Variants in PTCHD4 observed in about 807,000 individuals in gnomAD.
PTCHD4 encodes patched domain containing 4.
A neutral mutation model predicts 58.1 loss-of-function variants in PTCHD4; 33 were observed. That is an observed-to-expected ratio of 0.57 (90% CI 0.43 to 0.76). The LOEUF is 0.76. PTCHD4 is among the 30% of genes least tolerant of loss of function. PTCHD4 has a pLI of 0.00. For missense variants in PTCHD4, 1,058 were observed against 1,027.1 expected (o/e 1.03, Z -0.41); for synonymous variants, 478 against 409.6 (o/e 1.17, Z -2.02).
chr6:48,011,709 T>A (rs1226086276), intron 3 of PTCHD4, among the ~76,000 whole-genome samples: 3 of 152,234 alleles, frequency 2.0e-5, no homozygotes, highest in Admixed American at 6.5e-5. Context: ...TTTTTATGTC[T>A]TACATTTAAG....
intron 1 of PTCHD4, among the ~76,000 whole-genome samples, chr6:48,089,235 T>C (rs1047773588): frequency 1.4e-4 from 22 of 152,238 alleles, no homozygotes; most frequent in African/African-American, 5.3e-4. Context: ...GTCTGTATTC[T>C]AAAGCAGACA....
At chr6:47,952,916 G>C (rs140630335) in intron 4 of PTCHD4, among the ~76,000 whole-genome samples, 28 of 150,936 alleles carry the variant, frequency 1.9e-4, no homozygotes, top group African/African-American at 6.9e-4. Context: ...CATACACATA[G>C]AGTAGAAAAT....
chr6:47,886,136 T>C (rs1302167064), intron 4 of PTCHD4, among the ~76,000 whole-genome samples: 1 of 150,910 alleles, frequency 6.6e-6, no homozygotes, highest in Non-Finnish European at 1.5e-5. Context: ...TTTTTTTTTT[T>C]CCCAGAGCAA....
chr6:48,002,012 T>C (rs1164355104), intron 4 of PTCHD4, among the ~76,000 whole-genome samples: 3 of 152,136 alleles, frequency 2.0e-5, no homozygotes, highest in African/African-American at 4.8e-5. Flanking sequence ...TGAAAAAATG[T>C]TCATCATCAC....
chr6:48,074,651 G>A (rs989270501), intron 1 of PTCHD4, among the ~76,000 whole-genome samples: 2 of 152,190 alleles, frequency 1.3e-5, no homozygotes, highest in African/African-American at 4.8e-5. Context: ...TTGTCACGGG[G>A]GAGTTTATGC....
Position 47,868,587 on chromosome 6 carries a change from T to A in PTCHD4, c.*9716A>T, listed in dbSNP as rs1033343851. ...ATTGTGTGCTTCATAGTTTGGCATG[T>A]CAGTTGCCATTTTTAAAATAAAATC... is the stretch of plus-strand genomic sequence containing the variant. On this transcript the variant is annotated 3_prime_UTR_variant, in exon 5 of 5. Transcript: ENST00000339488. 7.2e-5 allele frequency among the ~76,000 whole-genome samples: 11 copies of A among 151,956 alleles called. No homozygotes were observed. The highest frequency in any genetic ancestry group is 5.3e-4 in the Admixed American group (8 of 15,230).
At chr6:48,056,538 A>C (rs1274600729) in intron 3 of PTCHD4, among the ~76,000 whole-genome samples, 2 of 152,218 alleles carry the variant, frequency 1.3e-5, no homozygotes, top group Non-Finnish European at 2.9e-5. Flanking sequence ...GGATTCAGTG[A>C]AATCTTAATT....
intron 4 of PTCHD4, among the ~76,000 whole-genome samples, chr6:47,880,578 G>T (rs542063202): frequency 6.6e-6 from 1 of 151,706 alleles, no homozygotes; most frequent in African/African-American, 2.4e-5. Context: ...CAAGACCTTC[G>T]GGGTGAAAAA....
At position 48,069,751 on chromosome 6, in the gene PTCHD4, G is replaced by A. The variant is rs1054766745; in HGVS notation, c.-794C>T. On this transcript the variant is annotated 5_prime_UTR_variant, in exon 2 of 5. Transcript: ENST00000339488. ...TCATAACATGTTACATTCACTTTCT[G>A]TATTCTTGAGATTAAAGGACAGAAA... 2.6e-5 allele frequency among the ~76,000 whole-genome samples: 4 copies of A among 152,232 alleles called. No homozygotes were observed. In the East Asian group the frequency reaches 5.8e-4, roughly 22 times the overall value.
chr6:47,924,286 C>T lies in PTCHD4; in HGVS notation c.899-44350G>A, dbSNP rs139248191. ...ATGACTACATGGAAAAGCCCAGAGT[C>T]GAGATTCACTTTAGAGTGAACATGA... On this transcript the variant is annotated intron_variant, in intron 4 of 4. Transcript: ENST00000339488. 8.9e-3 allele frequency among the ~76,000 whole-genome samples: 1,350 copies of T among 151,814 alleles called. 13 individuals are homozygous for T. Among genetic ancestry groups the T allele is most frequent in the Middle Eastern group, 0.014 (4 of 294 alleles).
chr6:47,987,388 C>A, intron 4 of PTCHD4, among the ~76,000 whole-genome samples: 1 of 149,928 alleles, frequency 6.7e-6, no homozygotes. Flanking sequence ...GCACAAGTAC[C>A]CTAAACTTAA....
Position 47,918,091 on chromosome 6 carries a change from C to T in PTCHD4, c.899-38155G>A, listed in dbSNP as rs577762212. 8.5e-5 allele frequency among the ~76,000 whole-genome samples: 13 copies of T among 152,134 alleles called. No individual in the cohort carries two copies. The East Asian group carries it at 1.9e-3, about 23-fold the overall frequency. Reference sequence around the variant, plus strand: ...AGACTCAACACAGATGTTATCTTTTCCACACAAAATCCTAGGATTTTTTTT... The same window carrying T: ...AGACTCAACACAGATGTTATCTTTTTCACACAAAATCCTAGGATTTTTTTT... On this transcript the variant is annotated intron_variant, in intron 4 of 4. Transcript: ENST00000339488.
Position 47,859,304 on chromosome 6 carries a change from G to A in PTCHD4, c.*18999C>T, listed in dbSNP as rs1158510512. 6.6e-6 allele frequency among the ~76,000 whole-genome samples: 1 copy of A among 151,980 alleles called. No individual in the cohort carries two copies. The highest frequency in any genetic ancestry group is 1.5e-5 in the Non-Finnish European group (1 of 67,982). The stretch of plus-strand genomic sequence containing the variant: ...AAGCTAGGATACGAGCACAGTCCCT[G>A]CTCTGCCAAAGGAAACCATGTCTTT... On this transcript the variant is annotated 3_prime_UTR_variant, in exon 5 of 5. Coordinates refer to ENST00000339488, the MANE Select transcript of PTCHD4 (RefSeq NM_001384253.1).
chr6:47,937,508 G>A (rs867258782), intron 4 of PTCHD4, among the ~76,000 whole-genome samples: 6 of 152,186 alleles, frequency 3.9e-5, no homozygotes, highest in Non-Finnish European at 5.9e-5. Context: ...GGTAAAGGAA[G>A]TTTGTGAGGA....
intron 4 of PTCHD4, among the ~76,000 whole-genome samples, chr6:47,887,412 AT>A (rs1318217131): frequency 5.3e-5 from 8 of 152,076 alleles, no homozygotes; most frequent in Admixed American, 3.3e-4. Context: ...AATAGATATT[AT>A]TTGCCTCATT....
intron 4 of PTCHD4, among the ~76,000 whole-genome samples, chr6:47,938,357 T>C (rs1386918490): frequency 6.6e-6 from 1 of 152,182 alleles, no homozygotes; most frequent in Non-Finnish European, 1.5e-5. Context: ...ATGATTCCAA[T>C]GTTGTTGGTC....
chr6:47,889,432 G>GT (rs1210418971), intron 4 of PTCHD4, among the ~76,000 whole-genome samples: 3 of 150,632 alleles, frequency 2.0e-5, no homozygotes, highest in Non-Finnish European at 3.0e-5. Context: ...TTTTTCATGT[G>GT]TTTTTTGGCT....
rs1195617652 is a variant in PTCHD4 at position 48,069,538 on chromosome 6, A to C, written c.-581T>G. Among the ~76,000 whole-genome samples, 1 of 152,126 alleles carries C rather than the reference A, an allele frequency of 6.6e-6. No homozygotes were observed. Among genetic ancestry groups the C allele is most frequent in the Non-Finnish European group, 1.5e-5 (1 of 68,014 alleles). On this transcript the variant is annotated 5_prime_UTR_variant, in exon 2 of 5. Coordinates refer to ENST00000339488, the MANE Select transcript of PTCHD4 (RefSeq NM_001384253.1). ...GCAACACCTTCCTCGCTGTGATTCC[A>C]CAGACCAGTCCGCTGCAGCTGAGGG... is the stretch of plus-strand genomic sequence containing the variant.
In PTCHD4 at chr6:47,921,945, T is replaced by TA. The variant is rs544513150; in HGVS notation, c.899-42010dup. ...GGGCAGCATAGCAAGACACCTTGTC[T>TA]AAAAAAAAAAAAAAAGAAAAGAAAA... On this transcript the variant is annotated intron_variant, in intron 4 of 4. Transcript: ENST00000339488. Among the ~76,000 whole-genome samples the TA allele has an allele frequency of 8.4e-3, 978 of 116,984 alleles. 15 individuals are homozygous for TA. Among genetic ancestry groups the TA allele is most frequent in the African/African-American group, 0.02 (603 of 30,020 alleles). 76.7% of individuals were successfully genotyped at this position (116,984 alleles called of 152,430 possible). A position where few individuals can be genotyped will look rare whatever the true frequency, so the allele number is the denominator to read the frequency against.
Sources: allele counts gnomAD v4.1 joint callset (sites outside exome capture counted in the v4.1 genomes callset), GRCh38; gene constraint gnomAD v4.1.1; transcripts MANE v1.5; gene names NCBI Gene and HGNC (gene_info 2026-07-23, HGNC 2026-07-21).